Variants in BRD2 observed in about 807,000 individuals in gnomAD.
The protein encoded by BRD2 is bromodomain containing 2, also known as bromodomain-containing protein 2.
Under a neutral mutation model 79.1 loss-of-function variants are expected in BRD2, and 15 were observed. The ratio of observed to expected loss-of-function variants is 0.19; its 90% confidence interval spans 0.13 to 0.29. BRD2 has a LOEUF of 0.29. Among genes scored for constraint, BRD2 ranks in the 10% least tolerant of loss-of-function variants. BRD2 has a pLI of 1.00. For synonymous variants in BRD2, 488 were observed against 358.6 expected (o/e 1.36, Z -4.08); for missense variants, 1,053 against 991.3 (o/e 1.06, Z -0.84).
At chr6:32,975,235 G>GT in intron 3 of BRD2, 149 bp from the exon 4 acceptor site, 2 of 1,188,668 alleles carry the variant, frequency 1.7e-6, no homozygotes, top group Non-Finnish European at 2.3e-6. Context: ...TTGTCCCACA[G>GT]TTTAATTGGG....
chr6:32,975,314 G>C, intron 3 of BRD2, 70 bp from the exon 4 acceptor site: 6 of 1,287,536 alleles, frequency 4.7e-6, no homozygotes, highest in Non-Finnish European at 6.5e-6. Flanking sequence ...GTGTGTGAGA[G>C]TCGGGGATCG....
chr6:32,980,342 C>A lies in BRD2; in HGVS notation c.2147C>A (p.Thr716Asn), dbSNP rs750129361. Residue 716 changes from threonine (T) to asparagine (N), a missense_variant and splice_region_variant, in exon 12 of 13, where the codon ACC becomes AAC. Physicochemically the swap from Thr to Asn is moderately conservative, Grantham distance 65. Coordinates refer to ENST00000374825, the MANE Select transcript of BRD2 (RefSeq NM_005104.4). ...TATCCTGATAAATTTCTTTCATTAG[C>A]CATTAAGAAGCCTGTGGGAAAGACA... ...CLRKKPRKPY[T>N]IKKPVGKTKE... 6.2e-7 allele frequency: 1 copy of A among 1,612,472 alleles called. No homozygotes were observed. The highest frequency in any genetic ancestry group is 8.5e-7 in the Non-Finnish European group (1 of 1,179,920).
intron 7 of BRD2, 129 bp downstream of exon 7, chr6:32,977,065 T>C (rs1778858300): frequency 7.6e-7 from 1 of 1,312,518 alleles, no homozygotes; most frequent in Non-Finnish European, 1.0e-6. Context: ...AAAATAATAG[T>C]GGAACAGAAG....
At chr6:32,977,682 G>C in intron 8 of BRD2, 75 bp from the exon 9 acceptor site, 4 of 1,604,250 alleles carry the variant, frequency 2.5e-6, no homozygotes, top group Non-Finnish European at 3.4e-6. Context: ...TTGTAAATTG[G>C]AGCTATATCA....
At position 32,978,290 on chromosome 6, in the gene BRD2, A is replaced by G. The variant is rs1262238028; in HGVS notation, c.1743A>G (p.Pro581=). The G allele has an allele frequency of 3.7e-6, 6 of 1,612,918 alleles. No homozygotes were observed. Among genetic ancestry groups the G allele is most frequent in the Non-Finnish European group, 5.1e-6 (6 of 1,180,014 alleles). ...ACAAGGGGCCTAGGGCACCCCGCCC[A>G]CCTCAACCTAAGAAGTCCAAGAAAG... is the stretch of plus-strand genomic sequence containing the variant. ...EDDKGPRAPR[P]PQPKKSKKAS... is the part of the protein sequence containing the mutation. Residue 581 remains proline, a synonymous_variant, in exon 10 of 13, where the codon CCA becomes CCG. Coordinates refer to ENST00000374825, the MANE Select transcript of BRD2 (RefSeq NM_005104.4).
rs751166167 is a variant in BRD2, at chr6:32,977,909, GGAGGAGGAAGATGAGGAGGAC to G, written c.1494_1514del (p.Asp498_Glu504del). ...GCAGTGAGAGCTCCTCTGAGGAAGA[GGAGGAGGAAGATGAGGAGGAC>G]GAGGAGGAAGAAGAGAGTGAAAGCT... On this transcript the variant is annotated inframe_deletion, in exon 9 of 13. Transcript: ENST00000374825. 8 of 1,611,292 alleles carry G rather than the reference GGAGGAGGAAGATGAGGAGGAC, an allele frequency of 5.0e-6. No homozygotes were observed. The highest frequency in any genetic ancestry group is 4.1e-5 in the African/African-American group (3 of 73,544).
At position 32,977,743 on chromosome 6, in the gene BRD2, G is replaced by T; in HGVS notation, c.1330-14G>T. ...TGTTTATCAGCATAGTTTTGAGTTT[G>T]TGCCTCTTTGTAGGATGTATTTGAG... On this transcript the variant is annotated splice_polypyrimidine_tract_variant and intron_variant, in intron 8 of 12. Transcript: ENST00000374825. 1.2e-6 allele frequency: 2 copies of T among 1,612,758 alleles called. No individual in the cohort carries two copies. The highest frequency in any genetic ancestry group is 1.7e-6 in the Non-Finnish European group (2 of 1,179,808).
chr6:32,972,083 A>AGCGAGC lies in BRD2; in HGVS notation c.-812_-807dup. Reference sequence around the variant, plus strand: ...TCGACTCAGCTTCTTCACCCGCGTGAGCGAGCGCGCGCGCGCGGAGGGGGT... The same window carrying AGCGAGC: ...TCGACTCAGCTTCTTCACCCGCGTGAGCGAGCGCGAGCGCGCGCGCGCGGAGGGGGT... On this transcript the variant is annotated 5_prime_UTR_variant, in exon 2 of 13. Transcript: ENST00000374825. 1 of 695,960 alleles carries AGCGAGC rather than the reference A, an allele frequency of 1.4e-6. No individual in the cohort carries two copies. The highest frequency in any genetic ancestry group is 1.5e-5 in the South Asian group (1 of 66,498). 43.1% of individuals were successfully genotyped at this position (695,960 alleles called of 1,614,324 possible). A position where few individuals can be genotyped will look rare whatever the true frequency, so the allele number is the denominator to read the frequency against.
Position 32,980,834 on chromosome 6 carries a change from C to T in BRD2, c.*116C>T, listed in dbSNP as rs997067889. On this transcript the variant is annotated 3_prime_UTR_variant, in exon 13 of 13. Transcript: ENST00000374825. The stretch of plus-strand genomic sequence containing the variant: ...CTTCTTCATCTCACCCCCCCCCGCC[C>T]CCCTCTAGGAGAGCTGGCTCTGCAG... 3 of 1,273,956 alleles carry T rather than the reference C, an allele frequency of 2.4e-6. No individual in the cohort carries two copies. Among genetic ancestry groups the T allele is most frequent in the Non-Finnish European group, 3.3e-6 (3 of 912,894 alleles). 78.9% of individuals were successfully genotyped at this position (1,273,956 alleles called of 1,614,324 possible). A position where few individuals can be genotyped will look rare whatever the true frequency, so the allele number is the denominator to read the frequency against.
intron 2 of BRD2, 120 bp downstream of exon 2, chr6:32,973,047 C>G (rs768013841): frequency 1.2e-6 from 2 of 1,606,372 alleles, no homozygotes; most frequent in Non-Finnish European, 1.7e-6. Context: ...GCGCAGCTGT[C>G]GACTCGGTCG....
In BRD2 at chr6:32,976,744, A is replaced by G. The variant is rs200612980; in HGVS notation, c.1008A>G (p.Gln336=). 46 of 1,613,210 alleles carry G rather than the reference A, an allele frequency of 2.9e-5. No individual in the cohort carries two copies. Among genetic ancestry groups the G allele is most frequent in the African/African-American group, 4.0e-5 (3 of 74,936 alleles). Reference sequence around the variant, plus strand: ...GCAAAGACTTGCCTGACTCTCAGCAACAACACCAGAGCTCTAAGAAAGGAA... The same window carrying G: ...GCAAAGACTTGCCTGACTCTCAGCAGCAACACCAGAGCTCTAAGAAAGGAA... ...PPRKDLPDSQ[Q]QHQSSKKGKL... Residue 336 remains glutamine, a synonymous_variant, in exon 7 of 13, where the codon CAA becomes CAG. Coordinates refer to ENST00000374825, the MANE Select transcript of BRD2 (RefSeq NM_005104.4).
intron 2 of BRD2, 157 bp downstream of exon 2, chr6:32,973,084 G>A (rs1284307594): frequency 6.3e-7 from 1 of 1,577,354 alleles, no homozygotes; most frequent in Admixed American, 1.9e-5. Context: ...CGACGGTTTT[G>A]GAACGGTGGT....
chr6:32,973,162 G>C, intron 2 of BRD2: 1 of 1,545,154 alleles, frequency 6.5e-7, no homozygotes, highest in South Asian at 1.2e-5. Flanking sequence ...ATGCCGCCGT[G>C]GCCCAGTCTT....
chr6:32,972,999 T>G, intron 2 of BRD2, 72 bp downstream of exon 2: 2 of 1,613,766 alleles, frequency 1.2e-6, no homozygotes, highest in Non-Finnish European at 1.7e-6. Context: ...GGGCGCCGTG[T>G]TGGGAGTACT....
chr6:32,970,020 G>A (rs1777802843), intron 1 of BRD2, among the ~76,000 whole-genome samples: 1 of 152,174 alleles, frequency 6.6e-6, no homozygotes. Context: ...GGAGGATAGA[G>A]GATCGGGAGG....
chr6:32,977,717 CTG>C, intron 8 of BRD2, 38 bp from the exon 9 acceptor site: 1 of 1,611,260 alleles, frequency 6.2e-7, no homozygotes, highest in Non-Finnish European at 8.5e-7. Context: ...ATGTAGGGCA[CTG>C]TTTATCAGCA....
chr6:32,980,821 A>T lies in BRD2; in HGVS notation c.*103A>T. 2 of 1,227,124 alleles carry T rather than the reference A, an allele frequency of 1.6e-6. No individual in the cohort carries two copies. Among genetic ancestry groups the T allele is most frequent in the Non-Finnish European group, 2.3e-6 (2 of 888,500 alleles). 76.0% of individuals were successfully genotyped at this position (1,227,124 alleles called of 1,614,324 possible). A position where few individuals can be genotyped will look rare whatever the true frequency, so the allele number is the denominator to read the frequency against. On this transcript the variant is annotated 3_prime_UTR_variant, in exon 13 of 13. Transcript: ENST00000374825. ...CTTTGCTGTGACACTTCTTCATCTC[A>T]CCCCCCCCCGCCCCCCTCTAGGAGA...
chr6:32,973,597 G>A lies in BRD2; in HGVS notation c.29+670G>A, dbSNP rs549809464. Among the ~76,000 whole-genome samples, 195 of 152,256 alleles carry A rather than the reference G, an allele frequency of 1.3e-3. 4 individuals are homozygous for A. Among genetic ancestry groups the A allele is most frequent in the Middle Eastern group, 3.4e-3 (1 of 294 alleles). On this transcript the variant is annotated intron_variant, in intron 2 of 12. Coordinates refer to ENST00000374825, the MANE Select transcript of BRD2 (RefSeq NM_005104.4). Reference sequence around the variant, plus strand: ...CATATGATGTTTTAATTCTTAGGTGGTAGGAAAGACTGATCGGAGGAGCAC... The same window carrying A: ...CATATGATGTTTTAATTCTTAGGTGATAGGAAAGACTGATCGGAGGAGCAC...
intron 1 of BRD2, chr6:32,971,239 GA>G (rs1777936290): frequency 4.8e-6 from 1 of 207,088 alleles, no homozygotes; most frequent in Non-Finnish European, 9.5e-6. Flanking sequence ...GATGCGTTTG[GA>G]GATTTTAATC....
Sources: allele counts gnomAD v4.1 joint callset (sites outside exome capture counted in the v4.1 genomes callset), GRCh38; gene constraint gnomAD v4.1.1; transcripts MANE v1.5; gene names NCBI Gene and HGNC (gene_info 2026-07-23, HGNC 2026-07-21).